Variants in LUZP2 observed in about 807,000 individuals in gnomAD.
The protein encoded by LUZP2 is leucine zipper protein 2.
In LUZP2, 52 loss-of-function variants were observed where a neutral mutation model predicts 51.6. That is an observed-to-expected ratio of 1.01 (90% CI 0.81 to 1.27). The LOEUF (loss-of-function observed/expected upper bound fraction) is 1.27, where lower values mean the gene tolerates loss of function less well. LUZP2 is among the 50% of genes most tolerant of loss of function. The pLI is 0.00. For synonymous variants in LUZP2, 154 were observed against 137.3 expected, an observed-to-expected ratio of 1.12 and a Z score of -0.85; for missense variants, 436 against 395.4, an observed-to-expected ratio of 1.10 and a Z score of -0.87.
intron 4 of LUZP2, 146 bp downstream of exon 4, chr11:24,738,448 A>T (rs1434226823): frequency 1.6e-6 from 1 of 609,246 alleles, no homozygotes; most frequent in Non-Finnish European, 2.9e-6. Flanking sequence ...TGAACAGAAT[A>T]GTACTTGGTC....
At chr11:24,810,587 A>G (rs1453837972) in intron 5 of LUZP2, among the ~76,000 whole-genome samples, 3 of 152,184 alleles carry the variant, frequency 2.0e-5, no homozygotes, top group Non-Finnish European at 4.4e-5. Context: ...GCTCTTATAA[A>G]GCTTACTTCC....
At chr11:24,761,337 T>C (rs910182434) in intron 4 of LUZP2, among the ~76,000 whole-genome samples, 2 of 152,086 alleles carry the variant, frequency 1.3e-5, no homozygotes, top group African/African-American at 4.8e-5. Context: ...ATAATAACTC[T>C]ATTATAAAAA....
At position 24,715,261 on chromosome 11, in the gene LUZP2, C is replaced by CTG. The variant is rs1220899685; in HGVS notation, c.63-13907_63-13906insGT. Among the ~76,000 whole-genome samples the CTG allele has an allele frequency of 1.9e-4, 14 of 73,594 alleles. 1 individual carries two copies. The highest frequency in any genetic ancestry group is 1.1e-3 in the South Asian group (2 of 1,822). 48.3% of individuals were successfully genotyped at this position (73,594 alleles called of 152,430 possible). On this transcript the variant is annotated intron_variant, in intron 1 of 11. Transcript: ENST00000336930. ...TTATGGTATCCAATTCAAGGAGCAA[C>CTG]TATGTGTGTGTGTGTGTGTGTGTGT...
chr11:25,018,242 G>C (rs1857221310), intron 9 of LUZP2, among the ~76,000 whole-genome samples: 2 of 152,076 alleles, frequency 1.3e-5, no homozygotes, highest in Admixed American at 1.3e-4. Flanking sequence ...TGCAACCATG[G>C]CATTGACAAA....
intron 1 of LUZP2, among the ~76,000 whole-genome samples, chr11:24,683,198 A>G (rs1447515353): frequency 1.3e-5 from 2 of 152,216 alleles, no homozygotes; most frequent in African/African-American, 2.4e-5. Flanking sequence ...AGAAGTGTTG[A>G]ACCTTATGCT....
intron 1 of LUZP2, among the ~76,000 whole-genome samples, chr11:24,610,185 T>C (rs942551274): frequency 3.3e-5 from 5 of 152,200 alleles, no homozygotes; most frequent in African/African-American, 1.2e-4. Context: ...TTTGCTAGAA[T>C]AGTCCAGCAA....
At chr11:24,659,944 G>A (rs922627641) in intron 1 of LUZP2, among the ~76,000 whole-genome samples, 1 of 152,106 alleles carries the variant, frequency 6.6e-6, no homozygotes, top group African/African-American at 2.4e-5. Context: ...AAAGGTGAGA[G>A]GGAGTTTTGC....
chr11:24,870,657 C>A (rs1283656034), intron 5 of LUZP2, among the ~76,000 whole-genome samples: 1 of 152,076 alleles, frequency 6.6e-6, no homozygotes, highest in Non-Finnish European at 1.5e-5. Context: ...AGTCTCTGGG[C>A]TTTTGATGCT....
intron 5 of LUZP2, among the ~76,000 whole-genome samples, chr11:24,845,314 T>C (rs2716516): frequency 0.15 from 23,078 of 152,202 alleles, 1,927 homozygotes; most frequent in African/African-American, 0.2. Context: ...TGCATGAGAC[T>C]TATATAGCCT....
chr11:24,940,853 A>G (rs1854726451), intron 7 of LUZP2, among the ~76,000 whole-genome samples: 2 of 152,174 alleles, frequency 1.3e-5, no homozygotes, highest in Admixed American at 1.3e-4. Context: ...ACTACTCTAC[A>G]GAAGTGGTAT....
At chr11:25,068,342 A>C (rs889068152) in intron 10 of LUZP2, among the ~76,000 whole-genome samples, 1 of 152,110 alleles carries the variant, frequency 6.6e-6, no homozygotes, top group East Asian at 1.9e-4. Context: ...AGGTACTTTT[A>C]TGTATTTTTC....
At chr11:24,767,189 A>C (rs527237124) in intron 5 of LUZP2, among the ~76,000 whole-genome samples, 3 of 152,302 alleles carry the variant, frequency 2.0e-5, no homozygotes. Context: ...AATTTGTAGA[A>C]TATAAGATTT....
chr11:24,658,373 T>C (rs1468712753), intron 1 of LUZP2, among the ~76,000 whole-genome samples: 4 of 152,216 alleles, frequency 2.6e-5, no homozygotes, highest in Non-Finnish European at 5.9e-5. Flanking sequence ...GCTAGCCATA[T>C]GGAGAAAGCT....
intron 1 of LUZP2, among the ~76,000 whole-genome samples, chr11:24,640,957 GT>G (rs1855257289): frequency 1.4e-5 from 2 of 145,234 alleles, no homozygotes; most frequent in Non-Finnish European, 3.0e-5. Flanking sequence ...ATCTATATCT[GT>G]ATAGATATAG....
At chr11:24,976,543 G>A (rs767430654) in intron 7 of LUZP2, 48 bp from the exon 8 acceptor site, 5 of 1,294,730 alleles carry the variant, frequency 3.9e-6, no homozygotes, top group African/African-American at 3.1e-5. Flanking sequence ...TTAAAGTACA[G>A]AGGGAAATTG....
At chr11:24,841,789 C>T (rs1851040260) in intron 5 of LUZP2, among the ~76,000 whole-genome samples, 1 of 152,030 alleles carries the variant, frequency 6.6e-6, no homozygotes, top group Non-Finnish European at 1.5e-5. Context: ...TAACTCCCTG[C>T]CAAAAGGGTC....
intron 1 of LUZP2, among the ~76,000 whole-genome samples, chr11:24,710,685 TAA>T (rs1297448186): frequency 2.0e-5 from 3 of 152,200 alleles, no homozygotes; most frequent in African/African-American, 7.2e-5. Flanking sequence ...AATTATCCAT[TAA>T]GAGTATTATA....
intron 1 of LUZP2, among the ~76,000 whole-genome samples, chr11:24,721,038 T>C (rs1048183102): frequency 3.9e-5 from 6 of 152,220 alleles, no homozygotes; most frequent in Non-Finnish European, 1.5e-5. Flanking sequence ...ACGGTTACTT[T>C]TTCACATGGC....
chr11:24,718,317 AG>A (rs764003551), intron 1 of LUZP2, among the ~76,000 whole-genome samples: 1 of 152,220 alleles, frequency 6.6e-6, no homozygotes, highest in African/African-American at 2.4e-5. Context: ...CAGGCCTGAG[AG>A]AAGGTGAGAA....
Sources: gnomAD v4.1 joint callset for allele counts (sites outside exome capture counted in the v4.1 genomes callset) on GRCh38, gnomAD v4.1.1 for gene constraint, MANE v1.5 for transcripts, NCBI Gene and HGNC (gene_info 2026-07-23, HGNC 2026-07-21) for gene names.